FHOD3: variants seen among roughly 807,000 people sequenced by gnomAD.
The protein encoded by FHOD3 is formin homology 2 domain containing 3, also known as FH1/FH2 domain-containing protein 3.
A neutral mutation model predicts 173.0 loss-of-function variants in FHOD3; 90 were observed. The ratio of observed to expected loss-of-function variants is 0.52; its 90% CI spans 0.44 to 0.62. FHOD3 has a LOEUF of 0.62. Among genes scored for constraint, FHOD3 ranks in the 20% least tolerant of loss-of-function variants. The pLI is 0.00. For synonymous variants in FHOD3, 828 were observed against 823.0 expected, an observed-to-expected ratio of 1.01 and a Z score of -0.10; for missense variants, 1,945 against 2,034.7, an observed-to-expected ratio of 0.96 and a Z score of 0.85.
chr18:36,457,696 C>G (rs2052302794), intron 3 of FHOD3, among the ~76,000 whole-genome samples: 1 of 152,086 alleles, frequency 6.6e-6, no homozygotes, highest in African/African-American at 2.4e-5. Flanking sequence ...TATGTCCACT[C>G]CTGAAGTGTT....
intron 1 of FHOD3, among the ~76,000 whole-genome samples, chr18:36,306,367 A>G (rs547445128): frequency 6.6e-6 from 1 of 152,220 alleles, no homozygotes; most frequent in African/African-American, 2.4e-5. Flanking sequence ...GCACTGTCTT[A>G]CTCACTGTAG....
intron 6 of FHOD3, among the ~76,000 whole-genome samples, chr18:36,585,151 C>T (rs2058985484): frequency 6.6e-6 from 1 of 152,156 alleles, no homozygotes; most frequent in African/African-American, 2.4e-5. Context: ...GTTTCCAATG[C>T]TGTGCTGTGT....
chr18:36,363,891 G>A (rs1306314086), intron 2 of FHOD3, among the ~76,000 whole-genome samples: 2 of 151,558 alleles, frequency 1.3e-5, no homozygotes, highest in Non-Finnish European at 2.9e-5. Context: ...GAAATGGGTG[G>A]GTGGGGAGGG....
In FHOD3 at chr18:36,730,693, C is replaced by T; in HGVS notation, c.3465C>T (p.Ser1155=). The change falls in exon 20 of 29, where the codon TCC becomes TCT. Residue 1155 remains serine (S), a synonymous_variant. Coordinates refer to ENST00000590592, the MANE Select transcript of FHOD3 (RefSeq NM_001281740.3). ...GKRQEIIVLD[S]KRSNAINIGL... ...GGCAAGAGATCATTGTTCTGGATTC[C>T]AAGAGGAGTAACGCCATCAATATTG... The T allele has an allele frequency of 7.4e-6, 12 of 1,613,924 alleles. No homozygotes were observed. The highest frequency in any genetic ancestry group is 1.0e-5 in the Non-Finnish European group (12 of 1,179,970).
chr18:36,716,560 G>T (rs1029614887), intron 18 of FHOD3, among the ~76,000 whole-genome samples: 4 of 152,160 alleles, frequency 2.6e-5, no homozygotes, highest in African/African-American at 9.7e-5. Context: ...GAGTGCAGAT[G>T]GAGAGAAGAG....
chr18:36,693,569 A>T, intron 17 of FHOD3, 146 bp downstream of exon 17: 1 of 736,640 alleles, frequency 1.4e-6, no homozygotes, highest in South Asian at 1.9e-5. Context: ...TTGTGACTGC[A>T]ACTGCCTGGT....
intron 9 of FHOD3, among the ~76,000 whole-genome samples, chr18:36,617,964 T>A (rs924164297): frequency 6.6e-6 from 1 of 152,184 alleles, no homozygotes; most frequent in Admixed American, 6.5e-5. Context: ...AAGGAATTTT[T>A]ATTAGTCTGT....
intron 14 of FHOD3, among the ~76,000 whole-genome samples, chr18:36,678,524 C>CAAAAAAAAAAAAAAAAAAAAAAA (rs58064190): frequency 1.4e-5 from 1 of 71,154 alleles, no homozygotes; most frequent in Non-Finnish European, 2.6e-5. Context: ...GACCCTGTCT[C>CAAAAAAAAAAAAAAAAAAAAAAA]AAAAAAAAAA....
chr18:36,705,985 G>T (rs1422625808), intron 17 of FHOD3, among the ~76,000 whole-genome samples: 4 of 138,364 alleles, frequency 2.9e-5, no homozygotes, highest in Non-Finnish European at 4.8e-5. Context: ...GTGTGTGTGT[G>T]TGTGTGCACG....
chr18:36,670,992 G>A (rs1340022485), intron 14 of FHOD3, among the ~76,000 whole-genome samples: 1 of 152,196 alleles, frequency 6.6e-6, no homozygotes, highest in East Asian at 1.9e-4. Context: ...TGTAACTGTT[G>A]GGAACAGGCA....
At chr18:36,336,682 CA>C (rs35621641) in intron 1 of FHOD3, among the ~76,000 whole-genome samples, 8,863 of 135,712 alleles carry the variant, frequency 0.065, 867 homozygotes, top group African/African-American at 0.22. Context: ...GCTAAAAATA[CA>C]AAAAAAAAAA....
intron 16 of FHOD3, among the ~76,000 whole-genome samples, chr18:36,690,594 C>T (rs1353924001): frequency 2.0e-5 from 3 of 152,132 alleles, no homozygotes; most frequent in East Asian, 1.9e-4. Context: ...GCTGTAACAC[C>T]GTAAATGCCT....
At chr18:36,446,013 A>G (rs1458842984) in intron 3 of FHOD3, among the ~76,000 whole-genome samples, 2 of 152,214 alleles carry the variant, frequency 1.3e-5, no homozygotes, top group Non-Finnish European at 2.9e-5. Context: ...CCGTTGATGA[A>G]TGGATTCCCT....
chr18:36,641,502 A>G (rs991874681), intron 10 of FHOD3, among the ~76,000 whole-genome samples: 2 of 152,186 alleles, frequency 1.3e-5, no homozygotes, highest in Non-Finnish European at 2.9e-5. Context: ...TTTTGCTTCA[A>G]CAGCATGGCA....
intron 5 of FHOD3, among the ~76,000 whole-genome samples, chr18:36,515,660 C>T (rs1262025141): frequency 1.3e-5 from 2 of 152,198 alleles, no homozygotes; most frequent in Non-Finnish European, 2.9e-5. Flanking sequence ...TTCTGCCTGC[C>T]CTTCTATGAC....
intron 5 of FHOD3, among the ~76,000 whole-genome samples, chr18:36,562,455 A>T (rs1473023701): frequency 2.0e-5 from 3 of 152,246 alleles, no homozygotes; most frequent in Non-Finnish European, 4.4e-5. Flanking sequence ...GATATGATTT[A>T]AAAATGTTTA....
Position 36,624,791 on chromosome 18 carries a change from G to A in FHOD3, c.958-720G>A, listed in dbSNP as rs993596875. 1.4e-4 allele frequency among the ~76,000 whole-genome samples: 22 copies of A among 152,248 alleles called. 1 individual carries two copies. The highest frequency in any genetic ancestry group is 4.6e-4 in the African/African-American group (19 of 41,544). On this transcript the variant is annotated intron_variant, in intron 9 of 28. Transcript: ENST00000590592. ...CAGTTATTTTTCTGCACAAATATGC[G>A]TCACTCTTAGGAAACTTTAAAACAA...
chr18:36,769,544 G>A (rs2043283885), intron 28 of FHOD3, 118 bp downstream of exon 28: 1 of 1,340,772 alleles, frequency 7.5e-7, no homozygotes, highest in Non-Finnish European at 1.0e-6. Flanking sequence ...CTCCCAGAGT[G>A]CCTACTTGCA....
chr18:36,583,980 C>T (rs1293474232), intron 6 of FHOD3, among the ~76,000 whole-genome samples: 1 of 152,120 alleles, frequency 6.6e-6, no homozygotes, highest in Non-Finnish European at 1.5e-5. Context: ...GAACACACCA[C>T]CACACCCAGC....
Sources: allele counts gnomAD v4.1 joint callset (sites outside exome capture counted in the v4.1 genomes callset), GRCh38; gene constraint gnomAD v4.1.1; transcripts MANE v1.5; gene names NCBI Gene and HGNC (gene_info 2026-07-23, HGNC 2026-07-21).